The following CTNNA3 variants were observed in gnomAD, a reference collection of about 807,000 sequenced individuals.
The protein encoded by CTNNA3 is catenin alpha-3.
Under a neutral mutation model 95.7 loss-of-function variants are expected in CTNNA3, and 76 were observed. That is an observed-to-expected ratio of 0.79 (90% CI 0.66 to 0.96). The LOEUF is 0.96. Ranked by LOEUF, CTNNA3 falls within the 40% of genes least tolerant of loss-of-function variation. The pLI is 0.00. For missense variants in CTNNA3, 1,191 were observed against 1,089.8 expected, an observed-to-expected ratio of 1.09 and a Z score of -1.31; for synonymous variants, 431 against 374.4, an observed-to-expected ratio of 1.15 and a Z score of -1.74.
At chr10:66,973,439 T>C (rs1460184384) in intron 7 of CTNNA3, among the ~76,000 whole-genome samples, 1 of 152,208 alleles carries the variant, frequency 6.6e-6, no homozygotes, top group Non-Finnish European at 1.5e-5. Flanking sequence ...AAAGTATCTG[T>C]AAGCTTAGAA....
chr10:67,113,538 C>A (rs1250078677), intron 7 of CTNNA3, among the ~76,000 whole-genome samples: 1 of 152,104 alleles, frequency 6.6e-6, no homozygotes, highest in Non-Finnish European at 1.5e-5. Context: ...CGGTTAGAGT[C>A]CAACAAGGTT....
chr10:65,949,340 A>G (rs1222607413), intron 17 of CTNNA3, among the ~76,000 whole-genome samples: 2 of 152,200 alleles, frequency 1.3e-5, no homozygotes, highest in Admixed American at 6.5e-5. Context: ...TCAACAAAAT[A>G]TCATAAGTTT....
At chr10:67,725,690 CA>C (rs1462537183) in intron 1 of CTNNA3, among the ~76,000 whole-genome samples, 2 of 151,590 alleles carry the variant, frequency 1.3e-5, no homozygotes, top group South Asian at 2.1e-4. Flanking sequence ...AGATGAGAGT[CA>C]GGGGGATGGT....
intron 10 of CTNNA3, among the ~76,000 whole-genome samples, chr10:66,582,924 A>G (rs935536820): frequency 2.0e-5 from 3 of 151,794 alleles, no homozygotes; most frequent in Non-Finnish European, 3.0e-5. Flanking sequence ...AATTCTGTTT[A>G]TCTGATGAAT....
intron 1 of CTNNA3, among the ~76,000 whole-genome samples, chr10:67,721,043 T>G (rs1202501240): frequency 6.6e-6 from 1 of 152,204 alleles, no homozygotes. Flanking sequence ...GGGCTTCCCT[T>G]TGTGGGTAAC....
At chr10:67,530,360 T>C (rs1437724075) in intron 4 of CTNNA3, among the ~76,000 whole-genome samples, 2 of 152,332 alleles carry the variant, frequency 1.3e-5, no homozygotes, top group Non-Finnish European at 2.9e-5. Context: ...GATAAGCATA[T>C]GCGCAATAAA....
chr10:67,271,284 G>A (rs909139295), intron 5 of CTNNA3, among the ~76,000 whole-genome samples: 1 of 152,130 alleles, frequency 6.6e-6, no homozygotes, highest in African/African-American at 2.4e-5. Flanking sequence ...TGGAGTAATC[G>A]AATCATGGGG....
At chr10:67,501,334 T>A (rs1005939640) in intron 5 of CTNNA3, among the ~76,000 whole-genome samples, 1 of 152,268 alleles carries the variant, frequency 6.6e-6, no homozygotes, top group Non-Finnish European at 1.5e-5. Flanking sequence ...AGAGATCCAC[T>A]GTTAGTCTGA....
chr10:66,873,407 T>C (rs1214709482), intron 7 of CTNNA3, among the ~76,000 whole-genome samples: 1 of 151,988 alleles, frequency 6.6e-6, no homozygotes, highest in African/African-American at 2.4e-5. Flanking sequence ...ATAATAGCCA[T>C]TCTGACTGGT....
chr10:67,599,959 T>G (rs1056235308), intron 3 of CTNNA3, among the ~76,000 whole-genome samples: 2 of 152,162 alleles, frequency 1.3e-5, no homozygotes, highest in Non-Finnish European at 2.9e-5. Context: ...TGAGGTACAG[T>G]AATTAGGACT....
chr10:67,344,934 G>A (rs867171878), intron 5 of CTNNA3, among the ~76,000 whole-genome samples: 3 of 150,852 alleles, frequency 2.0e-5, no homozygotes, highest in Non-Finnish European at 3.0e-5. Flanking sequence ...TCCTCATTAT[G>A]TTATTTATTT....
intron 13 of CTNNA3, among the ~76,000 whole-genome samples, chr10:66,177,827 G>A (rs1229440309): frequency 5.3e-5 from 8 of 151,834 alleles, no homozygotes; most frequent in Non-Finnish European, 7.4e-5. Context: ...TATGCATAAT[G>A]TAAACATTCC....
chr10:66,851,545 G>C (rs565881182), intron 7 of CTNNA3, among the ~76,000 whole-genome samples: 1 of 151,888 alleles, frequency 6.6e-6, no homozygotes, highest in Non-Finnish European at 1.5e-5. Flanking sequence ...CACCATCCGC[G>C]TGGTGCTCTA....
chr10:66,283,376 TTCTG>T (rs1327725322), intron 12 of CTNNA3, among the ~76,000 whole-genome samples: 1 of 151,856 alleles, frequency 6.6e-6, no homozygotes, highest in Non-Finnish European at 1.5e-5. Flanking sequence ...AATAATTTAA[TTCTG>T]TCTATTAATA....
chr10:66,293,428 A>G (rs1253995796), intron 12 of CTNNA3, among the ~76,000 whole-genome samples: 2 of 118,732 alleles, frequency 1.7e-5, no homozygotes, highest in Non-Finnish European at 3.4e-5. Context: ...CAATGTAGTA[A>G]AACAGGGAAA....
At chr10:66,434,194 G>A (rs1195191749) in intron 11 of CTNNA3, among the ~76,000 whole-genome samples, 2 of 152,038 alleles carry the variant, frequency 1.3e-5, no homozygotes, top group Admixed American at 6.6e-5. Flanking sequence ...GTCAATGGTT[G>A]CTTAATGGGA....
intron 13 of CTNNA3, among the ~76,000 whole-genome samples, chr10:66,181,903 A>G (rs940145512): frequency 3.3e-5 from 5 of 152,206 alleles, no homozygotes; most frequent in South Asian, 2.1e-4. Context: ...TTATTGTTGT[A>G]TCCAGTTACT....
intron 12 of CTNNA3, among the ~76,000 whole-genome samples, chr10:66,342,670 T>A (rs1437951447): frequency 6.6e-6 from 1 of 152,080 alleles, no homozygotes; most frequent in East Asian, 1.9e-4. Flanking sequence ...ATTAGTTTTG[T>A]GCTATAAATA....
intron 7 of CTNNA3, among the ~76,000 whole-genome samples, chr10:67,142,776 C>CA: frequency 6.6e-6 from 1 of 152,128 alleles, no homozygotes; most frequent in Non-Finnish European, 1.5e-5. Context: ...TAGTAAGATA[C>CA]AAAAAATTAG....
Sources: gnomAD v4.1 joint callset for allele counts (sites outside exome capture counted in the v4.1 genomes callset) on GRCh38, gnomAD v4.1.1 for gene constraint, MANE v1.5 for transcripts, NCBI Gene and HGNC (gene_info 2026-07-23, HGNC 2026-07-21) for gene names.